SCAF1: variants seen among roughly 807,000 people sequenced by gnomAD.
The protein encoded by SCAF1 is SR-related CTD associated factor 1.
Under a neutral mutation model 91.2 loss-of-function variants are expected in SCAF1, and 28 were observed. The ratio of observed to expected loss-of-function variants is 0.31; its 90% confidence interval spans 0.23 to 0.42. The LOEUF (loss-of-function observed/expected upper bound fraction) is 0.42, where lower values mean the gene tolerates loss of function less well. SCAF1 is among the 10% of genes least tolerant of loss of function. The pLI, the probability that SCAF1 is intolerant of heterozygous loss-of-function variation, is 1.00. For synonymous variants in SCAF1, 1,036 were observed against 833.7 expected (o/e 1.24, Z -4.18); for missense variants, 1,893 against 1,872.1 (o/e 1.01, Z -0.21).
Position 49,646,679 on chromosome 19 carries a change from C to T in SCAF1, c.363-36C>T, listed in dbSNP as rs758393401. On this transcript the variant is annotated intron_variant, in intron 5 of 10. Coordinates refer to ENST00000360565, the MANE Select transcript of SCAF1 (RefSeq NM_021228.3). The surrounding 1 kb of genome is among the most constrained non-coding windows in gnomAD (Gnocchi z 5.6). ...GAGGCCTCAGCGTGAGAGCCAGAAG[C>T]ACCCCTGAGGCTCACCCACCCCTTC... 6.2e-6 allele frequency: 10 copies of T among 1,611,886 alleles called. No homozygotes were observed. Among genetic ancestry groups the T allele is most frequent in the Non-Finnish European group, 8.5e-6 (10 of 1,178,136 alleles).
intron 8 of SCAF1, 29 bp downstream of exon 8, chr19:49,654,460 C>A: frequency 6.3e-7 from 1 of 1,599,354 alleles, no homozygotes; most frequent in Non-Finnish European, 8.6e-7. Context: ...GAGTCCCTGC[C>A]GCCCCTTCTT....
rs763690945 is a variant in SCAF1 at position 49,651,520 on chromosome 19, C to T, written c.1131C>T (p.Ala377=). 1.2e-5 allele frequency: 19 copies of T among 1,567,222 alleles called. No individual in the cohort carries two copies. In the Admixed American group the frequency reaches 3.5e-4, roughly 29 times the overall value. The change falls in exon 7 of 11, where the codon GCC becomes GCT. Residue 377 remains alanine (A), a synonymous_variant. Transcript: ENST00000360565. ...TGGAGGTGGTGACCGCTGGTGGAGCCGCCCTCCCGCCGCCCCTGCTGCCGC... is the reference window on the plus strand; with the variant it reads ...TGGAGGTGGTGACCGCTGGTGGAGCTGCCCTCCCGCCGCCCCTGCTGCCGC... ...VSVEVVTAGG[A]ALPPPLLPPG...
intron 9 of SCAF1, 146 bp downstream of exon 9, chr19:49,655,016 A>G (rs1278490075): frequency 4.7e-6 from 3 of 644,648 alleles, no homozygotes; most frequent in Admixed American, 3.1e-5. Flanking sequence ...ACCATAAGGA[A>G]CTCCACTTTG....
rs1278676051 is a variant in SCAF1 at position 49,652,539 on chromosome 19, G to C, written c.2150G>C (p.Gly717Ala). Residue 717 changes from glycine to alanine, a missense_variant, in exon 7 of 11, where the codon GGA becomes GCA. Gly to Ala is a moderately conservative substitution (Grantham distance 60). Transcript: ENST00000360565. ...CGGCTTGACAAGTCCGACCCCCGAG[G>C]ACCCTCTCCTGCTCCGGCCTCCTCA... ...VGRLDKSDPR[G>A]PSPAPASSPK... 1.9e-6 allele frequency: 3 copies of C among 1,570,830 alleles called. No individual in the cohort carries two copies. Among genetic ancestry groups the C allele is most frequent in the Non-Finnish European group, 2.6e-6 (3 of 1,157,400 alleles).
At position 49,658,391 on chromosome 19, in the gene SCAF1, C is replaced by G. The variant is rs2081161253; in HGVS notation, c.3931C>G (p.Pro1311Ala). The change falls in exon 11 of 11, where the codon CCT becomes GCT. Residue 1311 changes from proline to alanine, a missense_variant. Around this residue, in one of 5 missense-constraint regions of SCAF1, gnomAD observed 51 missense variants for 49.9 expected, o/e 1.02. Coordinates refer to ENST00000360565, the MANE Select transcript of SCAF1 (RefSeq NM_021228.3). ...DKGGPGLPLPPL is the reference protein window; with the variant it reads ...DKGGPGLPLPAL ...GGGTGGCCCGGGCCTGCCCCTGCCCCCTCTCTGAGAGCCCTGGCCAGCTCT... is the reference window on the plus strand; with the variant it reads ...GGGTGGCCCGGGCCTGCCCCTGCCCGCTCTCTGAGAGCCCTGGCCAGCTCT... The G allele has an allele frequency of 6.5e-7, 1 of 1,541,308 alleles. No homozygotes were observed. Among genetic ancestry groups the G allele is most frequent in the Non-Finnish European group, 8.7e-7 (1 of 1,143,548 alleles).
rs2081058365 is a variant in SCAF1, at chr19:49,646,811, C to T, written c.459C>T (p.Ala153=). The T allele has an allele frequency of 6.2e-7, 1 of 1,612,720 alleles. No individual in the cohort carries two copies. The highest frequency in any genetic ancestry group is 1.1e-5 in the South Asian group (1 of 90,952). The change falls in exon 6 of 11, where the codon GCC becomes GCT. Residue 153 remains alanine (A), a synonymous_variant. Transcript: ENST00000360565. This position sits in a 1 kb window ranked among gnomAD's most constrained non-coding sequence, Gnocchi z 5.6. The part of the protein sequence containing the change: ...PVPSLLPRLR[A]WRTGKTVSPQ... ...CCAGCCTGCTGCCCCGTCTCAGGGC[C>T]TGGAGGACGGGCAAAACGGGTATGT... is the stretch of plus-strand genomic sequence containing the variant.
rs771517521 is a variant in SCAF1 at position 49,651,479 on chromosome 19, G to C, written c.1090G>C (p.Glu364Gln). 2.0e-5 allele frequency: 32 copies of C among 1,582,818 alleles called. No homozygotes were observed. The highest frequency in any genetic ancestry group is 2.5e-5 in the Non-Finnish European group (29 of 1,166,254). Reference sequence around the variant, plus strand: ...GGGGACCGAGGCAGAGGCTTGTCGGGAAGGCAAGGTCTCGGTGGAGGTGGT... The same window carrying C: ...GGGGACCGAGGCAGAGGCTTGTCGGCAAGGCAAGGTCTCGGTGGAGGTGGT... ...VVGTEAEACR[E>Q]GKVSVEVVTA... is the part of the protein sequence containing the mutation. The change falls in exon 7 of 11, where the codon GAA (glutamate) becomes CAA (glutamine). Residue 364 changes from glutamate to glutamine, a missense_variant. Glu to Gln is a conservative substitution (Grantham distance 29). Around this residue, in one of 5 missense-constraint regions of SCAF1, gnomAD observed 1,436 missense variants for 1,306.8 expected, o/e 1.10. Coordinates refer to ENST00000360565, the MANE Select transcript of SCAF1 (RefSeq NM_021228.3).
At position 49,651,673 on chromosome 19, in the gene SCAF1, G is replaced by T; in HGVS notation, c.1284G>T (p.Thr428=). The stretch of plus-strand genomic sequence containing the variant: ...CACCGGCCGCCTCGGCCACCCCCAC[G>T]GCCCAGCCCCTTCCTCAGCCTCCCG... ...RPTPAASATP[T]AQPLPQPPAP... is the part of the protein sequence containing the mutation. Residue 428 remains threonine (T), a synonymous_variant, in exon 7 of 11, where the codon ACG becomes ACT. Transcript: ENST00000360565. The T allele has an allele frequency of 7.1e-7, 1 of 1,406,280 alleles. No homozygotes were observed. The highest frequency in any genetic ancestry group is 9.2e-7 in the Non-Finnish European group (1 of 1,090,530). The allele number at this position is 1,406,280 out of a possible 1,614,324, so 87.1% of individuals were successfully genotyped here.
rs1568440338 is a variant in SCAF1, at chr19:49,645,648, CG to C, written c.166+240del. On this transcript the variant is annotated intron_variant, in intron 3 of 10. Coordinates refer to ENST00000360565, the MANE Select transcript of SCAF1 (RefSeq NM_021228.3). This position sits in a 1 kb window ranked among gnomAD's most constrained non-coding sequence, Gnocchi z 4.6. ...CCACTTGAGCTAGCATGGTGGGAGA[CG>C]GGTCAGGGCACCTTCCCCGAGCAGG... 6.6e-6 allele frequency among the ~76,000 whole-genome samples: 1 copy of C among 152,156 alleles called. No individual in the cohort carries two copies. Among genetic ancestry groups the C allele is most frequent in the African/African-American group, 2.4e-5 (1 of 41,436 alleles).
At position 49,653,312 on chromosome 19, in the gene SCAF1, A is replaced by T; in HGVS notation, c.2923A>T (p.Ser975Cys). 8.9e-6 allele frequency: 13 copies of T among 1,467,970 alleles called. No individual in the cohort carries two copies. Among genetic ancestry groups the T allele is most frequent in the Non-Finnish European group, 1.2e-5 (13 of 1,108,370 alleles). The allele number at this position is 1,467,970 out of a possible 1,614,324, so 90.9% of individuals were successfully genotyped here. Residue 975 changes from serine (S) to cysteine (C), a missense_variant, in exon 7 of 11, where the codon AGC (serine) becomes TGC (cysteine). Coordinates refer to ENST00000360565, the MANE Select transcript of SCAF1 (RefSeq NM_021228.3). ...GGAGGAGCGGGCAGCCAAGGTTCCT[A>T]GCACCCCGCCCCCCAAGGCAGCCCC... ...SGEERAAKVPSTPPPKAAPPP... is the reference protein window; with the variant it reads ...SGEERAAKVPCTPPPKAAPPP...
Position 49,654,543 on chromosome 19 carries a change from G to A in SCAF1, c.3400-109G>A, listed in dbSNP as rs538945602. On this transcript the variant is annotated intron_variant, in intron 8 of 10. Transcript: ENST00000360565. ...TGGGGCAAGGTATCGGCCTGAAGAG[G>A]AGCCTGTTGCCTCAGCTGTGGGGAA... 1.6e-4 allele frequency: 219 copies of A among 1,354,734 alleles called. No homozygotes were observed. The African/African-American group carries it at 3.0e-3, about 18-fold the overall frequency. The allele number at this position is 1,354,734 out of a possible 1,614,324, so 83.9% of individuals were successfully genotyped here. A position where few individuals can be genotyped will look rare whatever the true frequency, so the allele number is the denominator to read the frequency against.
Position 49,646,453 on chromosome 19 carries a change from G to A in SCAF1, c.262-73G>A. On this transcript the variant is annotated intron_variant, in intron 4 of 10. Coordinates refer to ENST00000360565, the MANE Select transcript of SCAF1 (RefSeq NM_021228.3). The surrounding 1 kb of genome is among the most constrained non-coding windows in gnomAD (Gnocchi z 5.6). ...AGATGTCTGGGTTCCTGAGAGGTTA[G>A]GGAGTGGGGAAGCAGGATTTGCCAG... 1 of 1,325,446 alleles carries A rather than the reference G, an allele frequency of 7.5e-7. No individual in the cohort carries two copies. The highest frequency in any genetic ancestry group is 1.1e-6 in the Non-Finnish European group (1 of 921,530). The allele number at this position is 1,325,446 out of a possible 1,614,324, so 82.1% of individuals were successfully genotyped here. A position where few individuals can be genotyped will look rare whatever the true frequency, so the allele number is the denominator to read the frequency against.
rs769175493 is a variant in SCAF1 at position 49,650,881 on chromosome 19, G to A, written c.492G>A (p.Ser164=). ...GTTCCTTTGCAGTTTCTCCACAGTC[G>A]AACTCCTCTAGGCCCACCTGTGCCC... is the stretch of plus-strand genomic sequence containing the variant. ...WRTGKTVSPQ[S]NSSRPTCARH... The change falls in exon 7 of 11, where the codon TCG becomes TCA. Residue 164 remains serine, a synonymous_variant. Coordinates refer to ENST00000360565, the MANE Select transcript of SCAF1 (RefSeq NM_021228.3). 5.6e-6 allele frequency: 9 copies of A among 1,609,776 alleles called. No individual in the cohort carries two copies. The South Asian group carries it at 7.7e-5, about 14-fold the overall frequency.
rs1009048847 is a variant in SCAF1 at position 49,653,494 on chromosome 19, A to G, written c.3105A>G (p.Glu1035=). 6.5e-5 allele frequency: 101 copies of G among 1,561,872 alleles called. No homozygotes were observed. In the Admixed American group the frequency reaches 9.6e-4, roughly 15 times the overall value. ...EEEEEEEEEE[E]EEEEQQPATT... is the part of the protein sequence containing the mutation. ...AAGAAGAAGAGGAGGAGGAAGAGGAAGAGGAGGAGGAGCAGCAGCCTGCTA... is the reference window on the plus strand; with the variant it reads ...AAGAAGAAGAGGAGGAGGAAGAGGAGGAGGAGGAGGAGCAGCAGCCTGCTA... Residue 1035 remains glutamate (E), a synonymous_variant, in exon 7 of 11, where the codon GAA becomes GAG. Coordinates refer to ENST00000360565, the MANE Select transcript of SCAF1 (RefSeq NM_021228.3).
intron 10 of SCAF1, 44 bp from the exon 11 acceptor site, chr19:49,658,164 C>G: frequency 6.3e-7 from 1 of 1,582,094 alleles, no homozygotes; most frequent in Non-Finnish European, 8.6e-7. Flanking sequence ...GTGGATGGGG[C>G]CCCGGGAGCC....
chr19:49,640,856 G>A (rs565072831), upstream of SCAF1, among the ~76,000 whole-genome samples: 2 of 152,166 alleles, frequency 1.3e-5, no homozygotes, highest in Non-Finnish European at 2.9e-5. Flanking sequence ...TGAAGAGCCT[G>A]GGGCCAGGAT....
In SCAF1 at chr19:49,658,604, C is replaced by G; in HGVS notation, c.*205C>G. ...CAGTGCCCCTCCCTTCTGTTTGTGC[C>G]CCTCTCCCCAATTTCATTAAAGATT... On this transcript the variant is annotated 3_prime_UTR_variant, in exon 11 of 11. Coordinates refer to ENST00000360565, the MANE Select transcript of SCAF1 (RefSeq NM_021228.3). 8.4e-6 allele frequency: 5 copies of G among 595,672 alleles called. No individual in the cohort carries two copies. In the South Asian group the frequency reaches 1.0e-4, roughly 12 times the overall value. 36.9% of individuals were successfully genotyped at this position (595,672 alleles called of 1,614,324 possible).
At chr19:49,647,879 C>T (rs1166897510) in intron 6 of SCAF1, among the ~76,000 whole-genome samples, 11 of 151,820 alleles carry the variant, frequency 7.2e-5, no homozygotes, top group Non-Finnish European at 1.6e-4. Flanking sequence ...GTGATCCGCC[C>T]GCCTCAGCCT....
chr19:49,657,281 C>A (rs1410792490), intron 9 of SCAF1, among the ~76,000 whole-genome samples: 1 of 151,676 alleles, frequency 6.6e-6, no homozygotes, highest in Non-Finnish European at 1.5e-5. Context: ...CCCCACTCCC[C>A]AGTGCCCCTC....
Sources: gnomAD v4.1 joint callset for allele counts (sites outside exome capture counted in the v4.1 genomes callset) on GRCh38, gnomAD v4.1.1 for gene constraint, gnomAD v4.1.1 regional missense constraint, Gnocchi (gnomAD v3.1) non-coding constraint, MANE v1.5 for transcripts, NCBI Gene and HGNC (gene_info 2026-07-23, HGNC 2026-07-21) for gene names.